Variants in ADGRL3 observed in about 807,000 individuals in gnomAD.
The protein encoded by ADGRL3 is calcium-independent alpha-latrotoxin receptor 3.
ADGRL3 carries 62 observed loss-of-function variants against 153.5 expected under a neutral mutation model. That is an observed-to-expected ratio of 0.40 (90% CI 0.33 to 0.50). ADGRL3 has a LOEUF of 0.50. Among genes scored for constraint, ADGRL3 ranks in the 20% least tolerant of loss-of-function variants. The pLI is 0.47. For synonymous variants in ADGRL3, 710 were observed against 672.5 expected (o/e 1.06, Z -0.86); for missense variants, 1,641 against 1,859.4 (o/e 0.88, Z 2.16).
At chr4:61,931,523 G>A (rs1437533353) in intron 13 of ADGRL3, among the ~76,000 whole-genome samples, 1 of 152,178 alleles carries the variant, frequency 6.6e-6, no homozygotes, top group African/African-American at 2.4e-5. Context: ...ATGTCACACA[G>A]TAAGAGGCAC....
chr4:61,495,091 A>G (rs890216488), intron 2 of ADGRL3, among the ~76,000 whole-genome samples: 1 of 152,148 alleles, frequency 6.6e-6, no homozygotes, highest in East Asian at 1.9e-4. Flanking sequence ...TGGAGATGCT[A>G]TAGTTAAATG....
At chr4:61,846,400 T>TA (rs939911280) in intron 9 of ADGRL3, among the ~76,000 whole-genome samples, 5 of 151,892 alleles carry the variant, frequency 3.3e-5, no homozygotes, top group Non-Finnish European at 7.4e-5. Context: ...GTGAATAAAA[T>TA]AAAAAAATTT....
At chr4:61,307,449 G>A (rs1378535906) in intron 1 of ADGRL3, among the ~76,000 whole-genome samples, 4 of 152,064 alleles carry the variant, frequency 2.6e-5, no homozygotes, top group Admixed American at 2.0e-4. Flanking sequence ...GAATCATGAG[G>A]CTGAATTGAA....
chr4:61,919,849 C>G (rs1321454103), intron 13 of ADGRL3, among the ~76,000 whole-genome samples: 1 of 152,136 alleles, frequency 6.6e-6, no homozygotes, highest in African/African-American at 2.4e-5. Context: ...CCATTTCTGC[C>G]TCCTCCATTT....
intron 6 of ADGRL3, among the ~76,000 whole-genome samples, chr4:61,692,330 C>T (rs2095554242): frequency 7.9e-6 from 1 of 127,152 alleles, no homozygotes; most frequent in South Asian, 2.6e-4. Context: ...TCATTCCCCT[C>T]TATTTCTCAA....
chr4:61,877,209 G>T (rs2098481042), intron 9 of ADGRL3, among the ~76,000 whole-genome samples: 1 of 152,216 alleles, frequency 6.6e-6, no homozygotes, highest in Non-Finnish European at 1.5e-5. Flanking sequence ...ATGGGATGAT[G>T]CAGAGAGATG....
intron 2 of ADGRL3, chr4:61,427,807 C>T (rs1272481279): frequency 6.6e-6 from 1 of 152,642 alleles, no homozygotes; most frequent in Non-Finnish European, 1.5e-5. Flanking sequence ...CCTGGAGGTC[C>T]CTTACCTGAG....
intron 1 of ADGRL3, among the ~76,000 whole-genome samples, chr4:61,336,932 A>T (rs1313372719): frequency 6.8e-6 from 1 of 147,734 alleles, no homozygotes; most frequent in Non-Finnish European, 1.5e-5. Flanking sequence ...TGCAGTCACC[A>T]CTCTGTTCCA....
rs368996490 is a variant in ADGRL3, at chr4:61,873,189, AT to A, written c.1481-19464del. On this transcript the variant is annotated intron_variant, in intron 9 of 26. Coordinates refer to ENST00000683033, the MANE Select transcript of ADGRL3 (RefSeq NM_001387552.1). The stretch of plus-strand genomic sequence containing the variant: ...ATGAAGCCAGAAGTTTCATTCTCAG[AT>A]TTCTCAGTCAGAAAGCAACTGGACA... Among the ~76,000 whole-genome samples the A allele has an allele frequency of 5.7e-3, 872 of 152,288 alleles. 5 individuals are homozygous for A. The Middle Eastern group carries it at 0.058, about 10-fold the overall frequency.
At chr4:61,955,908 T>C in intron 17 of ADGRL3, among the ~76,000 whole-genome samples, 1 of 152,342 alleles carries the variant, frequency 6.6e-6, no homozygotes, top group South Asian at 2.1e-4. Flanking sequence ...GGTGCATATG[T>C]ACCACATTTT....
At chr4:61,495,171 G>T (rs2098299500) in intron 2 of ADGRL3, among the ~76,000 whole-genome samples, 1 of 152,078 alleles carries the variant, frequency 6.6e-6, no homozygotes, top group African/African-American at 2.4e-5. Flanking sequence ...CAGTAATTGA[G>T]ATCAGGTTGT....
At chr4:61,971,235 C>T (rs1190702938) in intron 17 of ADGRL3, among the ~76,000 whole-genome samples, 2 of 151,432 alleles carry the variant, frequency 1.3e-5, no homozygotes, top group East Asian at 3.9e-4. Context: ...TATACATGTG[C>T]CATGCTGGTG....
intron 8 of ADGRL3, among the ~76,000 whole-genome samples, chr4:61,774,359 A>AG (rs2097122200): frequency 7.8e-6 from 1 of 128,558 alleles, no homozygotes; most frequent in African/African-American, 4.1e-5. Context: ...CTCTGTCTCA[A>AG]AAAAAAAAAA....
At chr4:61,730,720 TATTA>T (rs1162680398) in intron 7 of ADGRL3, 84 bp downstream of exon 7, 2 of 333,960 alleles carry the variant, frequency 6.0e-6, no homozygotes, top group Admixed American at 1.0e-4. Flanking sequence ...ATAATTTTGT[TATTA>T]ATTCTTATCT....
At chr4:61,551,918 G>A (rs559048915) in intron 4 of ADGRL3, among the ~76,000 whole-genome samples, 1 of 152,196 alleles carries the variant, frequency 6.6e-6, no homozygotes, top group South Asian at 2.1e-4. Flanking sequence ...TGTATAAGAC[G>A]CTTGTGTGGG....
chr4:61,579,867 T>C (rs1277069723), intron 4 of ADGRL3, among the ~76,000 whole-genome samples: 2 of 152,124 alleles, frequency 1.3e-5, no homozygotes, highest in Non-Finnish European at 2.9e-5. Flanking sequence ...ATTAGAAGTC[T>C]CCTGAGAGCA....
At chr4:61,282,299 T>G (rs541909498) in intron 1 of ADGRL3, among the ~76,000 whole-genome samples, 9 of 152,110 alleles carry the variant, frequency 5.9e-5, no homozygotes, top group African/African-American at 2.2e-4. Context: ...TTGAAAAAGG[T>G]AAGTCTCATA....
intron 2 of ADGRL3, among the ~76,000 whole-genome samples, chr4:61,483,463 C>T (rs545088886): frequency 1.6e-4 from 25 of 152,204 alleles, no homozygotes; most frequent in South Asian, 6.2e-4. Flanking sequence ...AAAGGCCTGG[C>T]GCAGTGGCTC....
chr4:61,523,577 AT>A (rs2098543246), intron 4 of ADGRL3, among the ~76,000 whole-genome samples: 1 of 152,054 alleles, frequency 6.6e-6, no homozygotes, highest in Admixed American at 6.6e-5. Flanking sequence ...TCATATTCTT[AT>A]TTTATGTGGG....
Sources: allele counts gnomAD v4.1 joint callset (sites outside exome capture counted in the v4.1 genomes callset), GRCh38; gene constraint gnomAD v4.1.1; transcripts MANE v1.5; gene names NCBI Gene and HGNC (gene_info 2026-07-23, HGNC 2026-07-21).